The following MYLK variants were observed in gnomAD, a reference collection of about 807,000 sequenced individuals.
MYLK encodes the protein myosin light chain kinase, smooth muscle.
A neutral mutation model predicts 203.4 loss-of-function variants in MYLK; 106 were observed. The observed-to-expected ratio is 0.52, with a 90% confidence interval of 0.45 to 0.61. MYLK has a LOEUF of 0.61. Among genes scored for constraint, MYLK ranks in the 20% least tolerant of loss-of-function variants. The pLI, the probability that MYLK is intolerant of heterozygous loss-of-function variation, is 0.00. For synonymous variants in MYLK, 867 were observed against 959.5 expected (o/e 0.90, Z 1.78); for missense variants, 2,072 against 2,442.3 (o/e 0.85, Z 3.20).
chr3:123,720,526 T>A (rs916400082), intron 13 of MYLK, among the ~76,000 whole-genome samples: 1 of 152,220 alleles, frequency 6.6e-6, no homozygotes, highest in Non-Finnish European at 1.5e-5. Flanking sequence ...AGCCCCCAGG[T>A]GAGTCCTGCT....
chr3:123,719,281 C>T (rs1482952020), intron 13 of MYLK, among the ~76,000 whole-genome samples: 4 of 152,044 alleles, frequency 2.6e-5, no homozygotes, highest in South Asian at 2.1e-4. Flanking sequence ...GAGGGACACG[C>T]GTTGCTGCAT....
intron 18 of MYLK, among the ~76,000 whole-genome samples, chr3:123,697,292 T>C (rs1180810373): frequency 3.9e-5 from 6 of 152,206 alleles, no homozygotes; most frequent in African/African-American, 1.2e-4. Context: ...GGCCGATTTT[T>C]TGAGACAACG....
At chr3:123,868,986 G>C (rs1358130216) in intron 2 of MYLK, among the ~76,000 whole-genome samples, 1 of 152,086 alleles carries the variant, frequency 6.6e-6, no homozygotes, top group South Asian at 2.1e-4. Context: ...TTATCTCAGG[G>C]TGACAAAATT....
chr3:123,620,737 T>A, intron 31 of MYLK: 1 of 685,732 alleles, frequency 1.5e-6, no homozygotes, highest in Non-Finnish European at 1.9e-6. Context: ...ACAATGCCAG[T>A]GATGTGATTA....
chr3:123,650,146 G>A (rs139473660), intron 24 of MYLK, among the ~76,000 whole-genome samples: 8 of 152,312 alleles, frequency 5.3e-5, no homozygotes, highest in South Asian at 2.1e-4. Flanking sequence ...TGACAATCGA[G>A]CCACTCTGGC....
intron 17 of MYLK, 137 bp downstream of exon 17, chr3:123,701,301 A>G: frequency 3.3e-6 from 3 of 903,740 alleles, no homozygotes; most frequent in Non-Finnish European, 3.5e-6. Flanking sequence ...TTCCCCTTCC[A>G]GGCTCTCCCT....
chr3:123,728,091 T>C (rs1019052279), intron 11 of MYLK, among the ~76,000 whole-genome samples: 3 of 152,102 alleles, frequency 2.0e-5, no homozygotes, highest in Non-Finnish European at 2.9e-5. Flanking sequence ...TAAAGACCTC[T>C]GAAGATCTAC....
In MYLK at chr3:123,829,530, C is replaced by T. The variant is rs925973250; in HGVS notation, c.-4+2018G>A. Among the ~76,000 whole-genome samples, 5 of 152,044 alleles carry T rather than the reference C, an allele frequency of 3.3e-5. No individual in the cohort carries two copies. In the East Asian group the frequency reaches 9.6e-4, roughly 29 times the overall value. ...GAAGAAGAAGTTCTACTGTTCTATACCATGGTAGGATGACTATAGTTAACA... is the reference window on the plus strand; with the variant it reads ...GAAGAAGAAGTTCTACTGTTCTATATCATGGTAGGATGACTATAGTTAACA... On this transcript the variant is annotated intron_variant, in intron 3 of 33. Coordinates refer to ENST00000360304, the MANE Select transcript of MYLK (RefSeq NM_053025.4).
chr3:123,712,451 G>A (rs909000483), intron 13 of MYLK, among the ~76,000 whole-genome samples: 8 of 152,296 alleles, frequency 5.3e-5, no homozygotes, highest in South Asian at 4.1e-4. Flanking sequence ...CTACGGGAAC[G>A]TCACCAACTC....
At chr3:123,708,105 C>T in intron 15 of MYLK, 102 bp from the exon 16 acceptor site, 1 of 1,512,812 alleles carries the variant, frequency 6.6e-7, no homozygotes, top group Non-Finnish European at 9.0e-7. Flanking sequence ...AGCATGTCAC[C>T]CAAGTAACAG....
intron 13 of MYLK, among the ~76,000 whole-genome samples, chr3:123,716,606 C>T (rs1446534163): frequency 6.6e-6 from 1 of 152,240 alleles, no homozygotes; most frequent in Non-Finnish European, 1.5e-5. Context: ...TAATCACACT[C>T]TAAACATAAA....
At position 123,646,200 on chromosome 3, in the gene MYLK, G is replaced by A. The variant is rs149095375; in HGVS notation, c.4619+1024C>T. ...GTGAGTATAAGAAGTTACTTTTTGT[G>A]TTAAAAGGCAAGAAAATAAGAATAT... On this transcript the variant is annotated intron_variant, in intron 27 of 33. Transcript: ENST00000360304. Among the ~76,000 whole-genome samples, 612 of 152,250 alleles carry A rather than the reference G, an allele frequency of 4.0e-3. 5 individuals carry two copies. The highest frequency in any genetic ancestry group is 0.014 in the African/African-American group (566 of 41,542).
intron 4 of MYLK, among the ~76,000 whole-genome samples, chr3:123,767,791 A>G (rs1228354946): frequency 2.0e-5 from 3 of 152,146 alleles, no homozygotes; most frequent in Non-Finnish European, 4.4e-5. Flanking sequence ...CTAAGGATGA[A>G]TGATGCCTGT....
chr3:123,700,374 C>T lies in MYLK; in HGVS notation c.3094G>A (p.Ala1032Thr). 6.2e-7 allele frequency: 1 copy of T among 1,613,768 alleles called. No homozygotes were observed. The highest frequency in any genetic ancestry group is 2.2e-5 in the East Asian group (1 of 44,830). ...PLKPVGNAKP[A>T]ETLKPMGNAK... Reference sequence around the variant, plus strand: ...TTGCCCATTGGCTTCAGGGTCTCAGCAGGCTTGGCGTTGCCCACGGGTTTC... The same window carrying T: ...TTGCCCATTGGCTTCAGGGTCTCAGTAGGCTTGGCGTTGCCCACGGGTTTC... The change falls in exon 18 of 34, where the codon GCT (alanine) becomes ACT (threonine). Residue 1032 changes from alanine (A) to threonine (T), a missense_variant. By Grantham distance (58) the Ala-to-Thr change is moderately conservative (BLOSUM62 0). Transcript: ENST00000360304.
chr3:123,732,771 A>G, intron 11 of MYLK, 125 bp downstream of exon 11: 1 of 910,212 alleles, frequency 1.1e-6, no homozygotes. Context: ...ATTGGGGGTG[A>G]CATTTCTGTC....
At position 123,821,313 on chromosome 3, in the gene MYLK, C is replaced by G. The variant is rs564714182; in HGVS notation, c.-4+10235G>C. 1.4e-4 allele frequency among the ~76,000 whole-genome samples: 21 copies of G among 152,270 alleles called. 1 individual carries two copies. In the South Asian group the frequency reaches 4.4e-3, roughly 32 times the overall value. On this transcript the variant is annotated intron_variant, in intron 3 of 33. Transcript: ENST00000360304. ...GCAGGGTATCCCAAGATCTCAACAT[C>G]TGGTCATAAGTTACTTGCAGAGCTG...
In MYLK at chr3:123,664,205, G is replaced by A. The variant is rs2059659823; in HGVS notation, c.3885C>T (p.Leu1295=). ...GCTCCTGGCGCGCGGCCAGGATGGT[G>A]AGCTTGCTGCCATTCTCGCTGTTCT... ...KVENSENGSK[L]TILAARQEHC... The change falls in exon 23 of 34, where the codon CTC becomes CTT. Residue 1295 remains leucine (L), a synonymous_variant. Transcript: ENST00000360304. The A allele has an allele frequency of 6.2e-7, 1 of 1,614,180 alleles. No homozygotes were observed. Among genetic ancestry groups the A allele is most frequent in the Non-Finnish European group, 8.5e-7 (1 of 1,180,024 alleles).
intron 13 of MYLK, among the ~76,000 whole-genome samples, chr3:123,714,887 G>A (rs2061838843): frequency 6.6e-6 from 1 of 152,140 alleles, no homozygotes; most frequent in Non-Finnish European, 1.5e-5. Flanking sequence ...CAATGACTAA[G>A]AATAAGCCCA....
chr3:123,858,279 T>C (rs1302677260), intron 2 of MYLK, among the ~76,000 whole-genome samples: 3 of 152,144 alleles, frequency 2.0e-5, no homozygotes, highest in Admixed American at 1.3e-4. Context: ...GGTCTCAAAG[T>C]ACTAAGGAAA....
Sources: allele counts gnomAD v4.1 joint callset (sites outside exome capture counted in the v4.1 genomes callset), GRCh38; gene constraint gnomAD v4.1.1; transcripts MANE v1.5; gene names NCBI Gene and HGNC (gene_info 2026-07-23, HGNC 2026-07-21).